CHRM3: variants seen among roughly 807,000 people sequenced by gnomAD.
CHRM3 encodes the protein cholinergic receptor muscarinic 3, also known as muscarinic acetylcholine receptor M3.
CHRM3 carries 11 observed loss-of-function variants against 41.8 expected under a neutral mutation model. The ratio of observed to expected loss-of-function variants is 0.26; its 90% confidence interval spans 0.17 to 0.44. The LOEUF (loss-of-function observed/expected upper bound fraction) is 0.44. CHRM3 is among the 20% of genes least tolerant of loss of function. The pLI is 1.00. For synonymous variants in CHRM3, 297 were observed against 301.4 expected, an observed-to-expected ratio of 0.99 and a Z score of 0.15; for missense variants, 571 against 745.4, an observed-to-expected ratio of 0.77 and a Z score of 2.72.
At chr1:239,544,338 A>ATCCT (rs532812285) in intron 2 of CHRM3, among the ~76,000 whole-genome samples, 39 of 152,304 alleles carry the variant, frequency 2.6e-4, no homozygotes, top group Admixed American at 1.2e-3. Context: ...TCCCGTTAGG[A>ATCCT]AGCCAATACT....
intron 4 of CHRM3, among the ~76,000 whole-genome samples, chr1:239,656,832 A>G (rs1258195029): frequency 2.0e-5 from 3 of 152,070 alleles, no homozygotes; most frequent in Non-Finnish European, 2.9e-5. Flanking sequence ...TCTTTGTTTT[A>G]TTTCCAAAAG....
chr1:239,447,818 T>G (rs987992013), intron 1 of CHRM3, among the ~76,000 whole-genome samples: 13 of 152,180 alleles, frequency 8.5e-5, no homozygotes, highest in Admixed American at 8.5e-4. Flanking sequence ...TTTATTGAAT[T>G]TATTGAGAAG....
chr1:239,511,000 T>C (rs963564630), intron 2 of CHRM3, among the ~76,000 whole-genome samples: 2 of 152,038 alleles, frequency 1.3e-5, no homozygotes, highest in African/African-American at 4.8e-5. Flanking sequence ...AGAAATAGAA[T>C]ATTGAAGAGA....
chr1:239,888,403 C>A (rs1411567562), intron 6 of CHRM3, among the ~76,000 whole-genome samples: 2 of 151,454 alleles, frequency 1.3e-5, no homozygotes, highest in Non-Finnish European at 2.9e-5. Flanking sequence ...AGAAGAAGGG[C>A]AACATAGCAA....
intron 5 of CHRM3, among the ~76,000 whole-genome samples, chr1:239,699,577 C>G (rs930400790): frequency 2.6e-5 from 4 of 152,108 alleles, no homozygotes. Context: ...TTAAGTCACC[C>G]GATCTGTAGC....
At chr1:239,551,167 T>A in intron 3 of CHRM3, among the ~76,000 whole-genome samples, 1 of 142,866 alleles carries the variant, frequency 7.0e-6, no homozygotes, top group Non-Finnish European at 1.5e-5. Flanking sequence ...TTTTTTTTTT[T>A]TTTTGAGAGA....
chr1:239,786,361 T>C (rs1487017636), intron 5 of CHRM3, among the ~76,000 whole-genome samples: 1 of 152,162 alleles, frequency 6.6e-6, no homozygotes, highest in Non-Finnish European at 1.5e-5. Context: ...CAGGCACCAT[T>C]CTAAACATTC....
chr1:239,903,476 G>T (rs536482114), intron 6 of CHRM3, among the ~76,000 whole-genome samples: 4 of 152,166 alleles, frequency 2.6e-5, no homozygotes, highest in Admixed American at 2.6e-4. Flanking sequence ...ATAATCTAAA[G>T]CTAGCAGTGG....
chr1:239,525,079 A>G (rs894698676), intron 2 of CHRM3, among the ~76,000 whole-genome samples: 6 of 152,176 alleles, frequency 3.9e-5, no homozygotes, highest in African/African-American at 7.2e-5. Context: ...AAGATGATCC[A>G]TGGCAGGGCA....
At chr1:239,429,894 G>A (rs1157270153) in intron 1 of CHRM3, among the ~76,000 whole-genome samples, 1 of 148,258 alleles carries the variant, frequency 6.7e-6, no homozygotes, top group Non-Finnish European at 1.5e-5. Flanking sequence ...ATTTATTAAA[G>A]TTTGGATTGA....
chr1:239,470,378 T>G lies in CHRM3; in HGVS notation c.-520-22331T>G, dbSNP rs538255770. ...CACCAGTGCTGGGAAAGGATACATT[T>G]CTGTTGTTTTAAGCCACCCAGTTTG... On this transcript the variant is annotated intron_variant, in intron 1 of 6. Transcript: ENST00000676153. Among the ~76,000 whole-genome samples, 131 of 152,264 alleles carry G rather than the reference T, an allele frequency of 8.6e-4. 1 individual carries two copies. Among genetic ancestry groups the G allele is most frequent in the African/African-American group, 3.1e-3 (129 of 41,560 alleles).
rs140823025 is a variant in CHRM3 at position 239,689,208 on chromosome 1, G to A, written c.-147+10920G>A. On this transcript the variant is annotated intron_variant, in intron 5 of 6. Coordinates refer to ENST00000676153, the MANE Select transcript of CHRM3 (RefSeq NM_001375978.1). Reference sequence around the variant, plus strand: ...GAGTAAAAATGTGATTTGTTTTAATGTTAATAATCACTAATCTTTTTTGTT... The same window carrying A: ...GAGTAAAAATGTGATTTGTTTTAATATTAATAATCACTAATCTTTTTTGTT... Among the ~76,000 whole-genome samples the A allele has an allele frequency of 2.5e-3, 387 of 151,938 alleles. 1 individual carries two copies. Among genetic ancestry groups the A allele is most frequent in the Middle Eastern group, 0.01 (3 of 294 alleles).
intron 3 of CHRM3, among the ~76,000 whole-genome samples, chr1:239,561,736 T>C (rs1257634373): frequency 6.6e-6 from 1 of 152,096 alleles, no homozygotes; most frequent in African/African-American, 2.4e-5. Context: ...ATTTCCTCAT[T>C]AGCATGTAAA....
chr1:239,570,011 C>T (rs1182758228), intron 3 of CHRM3, among the ~76,000 whole-genome samples: 1 of 152,046 alleles, frequency 6.6e-6, no homozygotes, highest in African/African-American at 2.4e-5. Context: ...TTTTAAAAAA[C>T]AGCAACAACA....
chr1:239,699,340 C>T (rs1016298231), intron 5 of CHRM3, among the ~76,000 whole-genome samples: 1 of 151,930 alleles, frequency 6.6e-6, no homozygotes, highest in Non-Finnish European at 1.5e-5. Flanking sequence ...AGGATTAGTG[C>T]CTTGGTTCAA....
intron 5 of CHRM3, among the ~76,000 whole-genome samples, chr1:239,813,876 C>T (rs1294902129): frequency 7.2e-6 from 1 of 138,848 alleles, no homozygotes; most frequent in Non-Finnish European, 1.5e-5. Flanking sequence ...GAGATCCCGC[C>T]ACTGCACTCC....
At chr1:239,489,380 T>C (rs972468658) in intron 1 of CHRM3, among the ~76,000 whole-genome samples, 1 of 151,430 alleles carries the variant, frequency 6.6e-6, no homozygotes, top group Non-Finnish European at 1.5e-5. Context: ...GCCATTGCAC[T>C]CCAGCCTGGG....
intron 3 of CHRM3, among the ~76,000 whole-genome samples, chr1:239,613,456 C>T (rs541251946): frequency 3.9e-5 from 6 of 152,164 alleles, no homozygotes; most frequent in Non-Finnish European, 8.8e-5. Context: ...AAATGATGCT[C>T]ACACAACGTG....
At chr1:239,824,129 C>T (rs1308710149) in intron 5 of CHRM3, among the ~76,000 whole-genome samples, 27 of 152,114 alleles carry the variant, frequency 1.8e-4, no homozygotes, top group Non-Finnish European at 1.5e-5. Context: ...ACTCCAGCTC[C>T]TTGTGCCATC....
Sources: allele counts gnomAD v4.1 joint callset (sites outside exome capture counted in the v4.1 genomes callset), GRCh38; gene constraint gnomAD v4.1.1; transcripts MANE v1.5; gene names NCBI Gene and HGNC (gene_info 2026-07-23, HGNC 2026-07-21).